The following RALGPS2 variants were observed in gnomAD, a reference collection of about 807,000 sequenced individuals.
The protein encoded by RALGPS2 is ras-specific guanine nucleotide-releasing factor RalGPS2.
In RALGPS2, 43 loss-of-function variants were observed where a neutral mutation model predicts 86.8. The ratio of observed to expected loss-of-function variants is 0.50; its 90% CI spans 0.39 to 0.64. RALGPS2 has a LOEUF of 0.64. RALGPS2 is among the 30% of genes least tolerant of loss of function. The pLI is 0.00. For synonymous variants in RALGPS2, 243 were observed against 231.3 expected (o/e 1.05, Z -0.46); for missense variants, 536 against 694.6 (o/e 0.77, Z 2.57).
chr1:178,878,970 T>C lies in RALGPS2; in HGVS notation c.814T>C (p.Phe272Leu). The C allele has an allele frequency of 1.9e-6, 3 of 1,612,594 alleles. No individual in the cohort carries two copies. Among genetic ancestry groups the C allele is most frequent in the Non-Finnish European group, 2.5e-6 (3 of 1,179,464 alleles). Residue 272 changes from phenylalanine to leucine, a missense_variant, in exon 10 of 20, where the codon TTT (phenylalanine) becomes CTT (leucine). Physicochemically the swap from Phe to Leu is conservative, Grantham distance 22 (BLOSUM62 0). Around this residue, in one of 3 missense-constraint regions of RALGPS2, gnomAD observed 184 missense variants for 296.7 expected, o/e 0.62. Transcript: ENST00000367635. ...SVQYIEELQK[F>L]VEDDNYKLSL... ...TCAGTATATAGAAGAACTACAAAAATTTGTGGAAGACGATAATTACAAGTA... is the reference window on the plus strand; with the variant it reads ...TCAGTATATAGAAGAACTACAAAAACTTGTGGAAGACGATAATTACAAGTA...
rs970485954 is a variant in RALGPS2 at position 178,917,101 on chromosome 1, C to T, written c.*742C>T. 1.3e-5 allele frequency: 2 copies of T among 152,004 alleles called. No homozygotes were observed. The highest frequency in any genetic ancestry group is 2.4e-5 in the African/African-American group (1 of 41,384). The allele number at this position is 152,004 out of a possible 1,614,324, so 9.4% of individuals were successfully genotyped here. On this transcript the variant is annotated 3_prime_UTR_variant, in exon 20 of 20. Transcript: ENST00000367635. ...AAAGGCTGTGTGTTCATTTGCCAGA[C>T]GCTTTTTTTTTAAATAGGTTCCAGA...
At chr1:178,742,132 C>CA (rs34861793) in intron 1 of RALGPS2, among the ~76,000 whole-genome samples, 19,726 of 82,464 alleles carry the variant, frequency 0.24, 1,792 homozygotes, top group East Asian at 0.44. Flanking sequence ...AAGATTCCGT[C>CA]AAAAAAAAAA....
At chr1:178,914,498 C>G (rs1333547380) in intron 19 of RALGPS2, among the ~76,000 whole-genome samples, 2 of 152,094 alleles carry the variant, frequency 1.3e-5, no homozygotes, top group East Asian at 3.9e-4. Flanking sequence ...GCTCTTCAAC[C>G]CTGGTTCTGC....
At chr1:178,818,400 A>G (rs1403114729) in intron 6 of RALGPS2, among the ~76,000 whole-genome samples, 6 of 152,118 alleles carry the variant, frequency 3.9e-5, no homozygotes, top group African/African-American at 9.7e-5. Flanking sequence ...TTCTGATCCA[A>G]TTAGGAATTG....
chr1:178,770,018 C>CTTTTT (rs35638965), intron 1 of RALGPS2, among the ~76,000 whole-genome samples: 4 of 134,114 alleles, frequency 3.0e-5, no homozygotes, highest in Non-Finnish European at 6.4e-5. Context: ...TCGATTGCTT[C>CTTTTT]TTTTTTTTTT....
intron 1 of RALGPS2, among the ~76,000 whole-genome samples, chr1:178,760,367 T>C (rs1206292964): frequency 6.6e-6 from 1 of 152,238 alleles, no homozygotes. Context: ...CTGGGTGCTC[T>C]AATTTTGAGT....
intron 19 of RALGPS2, among the ~76,000 whole-genome samples, chr1:178,909,296 C>T (rs1465891084): frequency 6.6e-6 from 1 of 152,130 alleles, no homozygotes; most frequent in Non-Finnish European, 1.5e-5. Flanking sequence ...GTACCAGTAC[C>T]ATGCTATTTT....
At position 178,785,593 on chromosome 1, in the gene RALGPS2, G is replaced by A; in HGVS notation, c.199G>A (p.Ala67Thr). 1.3e-6 allele frequency: 2 copies of A among 1,583,964 alleles called. No individual in the cohort carries two copies. The highest frequency in any genetic ancestry group is 1.7e-6 in the Non-Finnish European group (2 of 1,166,340). The change falls in exon 4 of 20, where the codon GCT (alanine) becomes ACT (threonine). Residue 67 changes from alanine (A) to threonine (T), a missense_variant. Around this residue, in one of 3 missense-constraint regions of RALGPS2, gnomAD observed 184 missense variants for 296.7 expected, o/e 0.62. Coordinates refer to ENST00000367635, the MANE Select transcript of RALGPS2 (RefSeq NM_152663.5). ...ITLMDVPVFK[A>T]IQPDELSSCG... is the part of the protein sequence containing the mutation. Reference sequence around the variant, plus strand: ...ATTAATGGATGTTCCAGTATTTAAAGCTATTCAACCAGATGTAAGTAGTTT... The same window carrying A: ...ATTAATGGATGTTCCAGTATTTAAAACTATTCAACCAGATGTAAGTAGTTT...
At chr1:178,731,431 C>A (rs564640098) in intron 1 of RALGPS2, among the ~76,000 whole-genome samples, 1 of 151,286 alleles carries the variant, frequency 6.6e-6, no homozygotes, top group East Asian at 2.0e-4. Flanking sequence ...TACAAGCATG[C>A]GCCACCACAC....
chr1:178,796,841 T>C (rs901250595), intron 4 of RALGPS2, among the ~76,000 whole-genome samples: 4 of 152,186 alleles, frequency 2.6e-5, no homozygotes, highest in African/African-American at 9.7e-5. Flanking sequence ...AAATTGGGCT[T>C]AGTAGTTTCA....
At chr1:178,788,674 G>A (rs920126949) in intron 4 of RALGPS2, among the ~76,000 whole-genome samples, 6 of 152,118 alleles carry the variant, frequency 3.9e-5, no homozygotes, top group Non-Finnish European at 7.4e-5. Flanking sequence ...TGAGAGGTAG[G>A]GTGAGGGCTA....
chr1:178,851,121 GTC>G (rs756042880), intron 8 of RALGPS2: 4 of 1,608,764 alleles, frequency 2.5e-6, no homozygotes, highest in African/African-American at 1.3e-5. Context: ...ATTGGCGAGT[GTC>G]TCTCTTCAGT....
chr1:178,896,066 CTG>C (rs1659926785), intron 16 of RALGPS2, among the ~76,000 whole-genome samples: 1 of 151,988 alleles, frequency 6.6e-6, no homozygotes, highest in African/African-American at 2.4e-5. Context: ...AACTAAGGAA[CTG>C]TTATCCCAGA....
At chr1:178,892,421 A>G (rs1659755526) in intron 15 of RALGPS2, 114 bp downstream of exon 15, 10 of 834,766 alleles carry the variant, frequency 1.2e-5, no homozygotes, top group Non-Finnish European at 1.7e-5. Context: ...TGATTTAAAA[A>G]CTAAACAAAT....
At chr1:178,793,905 T>A (rs1307015990) in intron 4 of RALGPS2, among the ~76,000 whole-genome samples, 1 of 152,178 alleles carries the variant, frequency 6.6e-6, no homozygotes, top group African/African-American at 2.4e-5. Flanking sequence ...TTCAGGTTTC[T>A]TCCCTAGTAT....
At chr1:178,794,235 G>T (rs1172143773) in intron 4 of RALGPS2, among the ~76,000 whole-genome samples, 2 of 152,088 alleles carry the variant, frequency 1.3e-5, no homozygotes, top group Non-Finnish European at 2.9e-5. Context: ...TCATGCTTCA[G>T]CCTCCAGAGT....
At chr1:178,880,901 C>CA (rs1659217915) in intron 10 of RALGPS2, among the ~76,000 whole-genome samples, 2 of 152,138 alleles carry the variant, frequency 1.3e-5, no homozygotes, top group African/African-American at 4.8e-5. Flanking sequence ...GTAGTTCTGA[C>CA]ATTCTGTAAA....
intron 1 of RALGPS2, among the ~76,000 whole-genome samples, chr1:178,727,660 G>T (rs1403192012): frequency 2.0e-5 from 3 of 152,182 alleles, no homozygotes; most frequent in Non-Finnish European, 4.4e-5. Context: ...TTTTTATTAC[G>T]TCATTAGAGT....
chr1:178,859,065 A>G (rs796685977), intron 8 of RALGPS2, among the ~76,000 whole-genome samples: 4 of 152,178 alleles, frequency 2.6e-5, no homozygotes, highest in South Asian at 2.1e-4. Context: ...CTGAAGTGAC[A>G]GTAGGGTCTT....
Sources: allele counts gnomAD v4.1 joint callset (sites outside exome capture counted in the v4.1 genomes callset), GRCh38; gene constraint gnomAD v4.1.1; regional missense constraint gnomAD v4.1.1; transcripts MANE v1.5; gene names NCBI Gene and HGNC (gene_info 2026-07-23, HGNC 2026-07-21).